The following KIT variants were observed in gnomAD, a reference collection of about 807,000 sequenced individuals.
KIT encodes the protein KIT proto-oncogene, receptor tyrosine kinase.
In KIT, 16 loss-of-function variants were observed where a neutral mutation model predicts 105.7. The observed-to-expected ratio is 0.15, with a 90% confidence interval of 0.10 to 0.23. The LOEUF (loss-of-function observed/expected upper bound fraction) is 0.23. Ranked by LOEUF, KIT falls within the 10% of genes least tolerant of loss-of-function variation. The pLI is 1.00. For synonymous variants in KIT, 438 were observed against 441.1 expected, an observed-to-expected ratio of 0.99 and a Z score of 0.09; for missense variants, 858 against 1,213.8, an observed-to-expected ratio of 0.71 and a Z score of 4.36.
intron 5 of KIT, among the ~76,000 whole-genome samples, chr4:54,705,804 C>T (rs1036009042): frequency 2.0e-5 from 3 of 152,106 alleles, no homozygotes; most frequent in African/African-American, 4.8e-5. Flanking sequence ...ATTGCTTGAG[C>T]CCAGGAAGTC....
rs1721774316 is a variant in KIT, at chr4:54,720,164, C to T, written c.1232-3420C>T. ...AAGGTACATTGCTGGGTTATACCCT[C>T]AGCTTACTAGATCTCTGGAGGTGCG... On this transcript the variant is annotated intron_variant, in intron 7 of 20. Transcript: ENST00000288135. 2.0e-5 allele frequency among the ~76,000 whole-genome samples: 3 copies of T among 152,192 alleles called. 1 individual carries two copies. In the South Asian group the frequency reaches 6.2e-4, roughly 32 times the overall value.
At chr4:54,702,373 G>A (rs56295037) in intron 4 of KIT, among the ~76,000 whole-genome samples, 1 of 151,648 alleles carries the variant, frequency 6.6e-6, no homozygotes, top group East Asian at 1.9e-4. Context: ...TTACTAATTA[G>A]GTGTTTTACA....
intron 7 of KIT, among the ~76,000 whole-genome samples, chr4:54,710,132 C>G (rs1029519593): frequency 6.6e-6 from 1 of 152,154 alleles, no homozygotes; most frequent in Non-Finnish European, 1.5e-5. Context: ...GGGGTCCTAC[C>G]GACCCCACTC....
chr4:54,689,626 T>C (rs1447653164), intron 1 of KIT, among the ~76,000 whole-genome samples: 2 of 152,150 alleles, frequency 1.3e-5, no homozygotes, highest in East Asian at 1.9e-4. Flanking sequence ...TGTGATCAGA[T>C]AAAAAAGTGT....
intron 7 of KIT, among the ~76,000 whole-genome samples, chr4:54,713,534 TGATAAAAATCAGAATA>T (rs1392064337): frequency 6.6e-6 from 1 of 152,208 alleles, no homozygotes; most frequent in African/African-American, 2.4e-5. Context: ...AAATCAGAAT[TGATAAAAATCAGAATA>T]ATGAATGCAT....
At position 54,730,905 on chromosome 4, in the gene KIT, C is replaced by T. The variant is rs915149058; in HGVS notation, c.2142-423C>T. 3.7e-4 allele frequency among the ~76,000 whole-genome samples: 57 copies of T among 152,080 alleles called. 1 individual carries two copies. On this transcript the variant is annotated intron_variant, in intron 14 of 20. Transcript: ENST00000288135. ...TTTTTAAACCTTCCTCCATCAGTCA[C>T]TATATGTTAACGATCTCTGCCTCCT...
Position 54,729,455 on chromosome 4 carries a change from A to G in KIT, c.2111A>G (p.Lys704Arg), listed in dbSNP as rs1553892256. Residue 704 changes from lysine (K) to arginine (R), a missense_variant, in exon 14 of 21, where the codon AAG (lysine) becomes AGG (arginine). Coordinates refer to ENST00000288135, the MANE Select transcript of KIT (RefSeq NM_000222.3). ...GATCATGCAGAAGCTGCACTTTATA[A>G]GAATCTTCTGCATTCAAAGGAGTCT... is the stretch of plus-strand genomic sequence containing the variant. ...QEDHAEAALYKNLLHSKESSC... is the reference protein window; with the variant it reads ...QEDHAEAALYRNLLHSKESSC... 6.2e-7 allele frequency: 1 copy of G among 1,613,674 alleles called. No homozygotes were observed. Among genetic ancestry groups the G allele is most frequent in the Non-Finnish European group, 8.5e-7 (1 of 1,179,762 alleles).
intron 1 of KIT, among the ~76,000 whole-genome samples, chr4:54,691,760 C>T (rs974147862): frequency 6.6e-6 from 1 of 151,836 alleles, no homozygotes; most frequent in Admixed American, 6.6e-5. Flanking sequence ...TGGGTGGCGG[C>T]TGGCGGGGAG....
At chr4:54,689,792 A>C (rs1345869108) in intron 1 of KIT, among the ~76,000 whole-genome samples, 1 of 152,226 alleles carries the variant, frequency 6.6e-6, no homozygotes, top group African/African-American at 2.4e-5. Context: ...ATGTTGTGTA[A>C]CCATCACTAC....
chr4:54,688,271 A>G (rs1479792998), intron 1 of KIT, among the ~76,000 whole-genome samples: 1 of 152,226 alleles, frequency 6.6e-6, no homozygotes, highest in Non-Finnish European at 1.5e-5. Flanking sequence ...CTATGGGGAT[A>G]TAAAAGTGTG....
At chr4:54,667,086 C>T (rs757941792) in intron 1 of KIT, among the ~76,000 whole-genome samples, 6 of 152,214 alleles carry the variant, frequency 3.9e-5, no homozygotes, top group Admixed American at 1.3e-4. Flanking sequence ...TGTGCTATAA[C>T]GCAGCATGTA....
rs377590954 is a variant in KIT, at chr4:54,707,116, T to A, written c.944T>A (p.Ile315Asn). 17 of 1,541,486 alleles carry A rather than the reference T, an allele frequency of 1.1e-5. No homozygotes were observed. Among genetic ancestry groups the A allele is most frequent in the African/African-American group, 2.7e-5 (2 of 73,418 alleles). ...LEVVDKGFIN[I>N]FPMINTTVFV... ...TAATTAGATAAAGGATTCATTAATA[T>A]CTTCCCCATGATAAACACTACAGTA... The change falls in exon 6 of 21, where the codon ATC (isoleucine) becomes AAC (asparagine). Residue 315 changes from isoleucine to asparagine, a missense_variant. Around this residue, in one of 7 missense-constraint regions of KIT, gnomAD observed 401 missense variants for 601.0 expected, o/e 0.67. Coordinates refer to ENST00000288135, the MANE Select transcript of KIT (RefSeq NM_000222.3).
At chr4:54,709,850 G>A (rs973854961) in intron 7 of KIT, among the ~76,000 whole-genome samples, 6 of 152,192 alleles carry the variant, frequency 3.9e-5, no homozygotes, top group Non-Finnish European at 5.9e-5. Context: ...TTGATTGTTG[G>A]AATGGGGGGC....
intron 7 of KIT, among the ~76,000 whole-genome samples, chr4:54,720,908 C>A (rs1721828514): frequency 6.6e-6 from 1 of 152,194 alleles, no homozygotes; most frequent in Admixed American, 6.5e-5. Flanking sequence ...GATTTCTTAT[C>A]TCATGGCCCT....
intron 1 of KIT, among the ~76,000 whole-genome samples, chr4:54,676,613 G>A (rs1431196361): frequency 6.6e-6 from 1 of 151,954 alleles, no homozygotes; most frequent in Non-Finnish European, 1.5e-5. Flanking sequence ...GGGGAAGAGT[G>A]GTATTTTCAG....
intron 1 of KIT, among the ~76,000 whole-genome samples, chr4:54,690,226 G>C (rs1679398853): frequency 6.6e-6 from 1 of 152,148 alleles, no homozygotes; most frequent in African/African-American, 2.4e-5. Context: ...GTATGGGTTT[G>C]AGTTTCTGCT....
rs1721001972 is a variant in KIT at position 54,709,487 on chromosome 4, A to G, written c.1179A>G (p.Leu393=). 1 of 1,613,690 alleles carries G rather than the reference A, an allele frequency of 6.2e-7. No individual in the cohort carries two copies. Among genetic ancestry groups the G allele is most frequent in the East Asian group, 2.2e-5 (1 of 44,884 alleles). The change falls in exon 7 of 21, where the codon CTA becomes CTG. Residue 393 remains leucine, a synonymous_variant. Coordinates refer to ENST00000288135, the MANE Select transcript of KIT (RefSeq NM_000222.3). ...CCGAAGGAGGCACTTACACATTCCTAGTGTCCAATTCTGACGTCAATGCTG... is the reference window on the plus strand; with the variant it reads ...CCGAAGGAGGCACTTACACATTCCTGGTGTCCAATTCTGACGTCAATGCTG... ...KGTEGGTYTF[L]VSNSDVNAAI... is the part of the protein sequence containing the mutation.
rs1284656829 is a variant in KIT at position 54,738,969 on chromosome 4, T to C, written c.*412T>C. ...AGTATGATGATACAAGATTAGAAGC[T>C]GAAAACCTAAGTCCTTTATGTGGAA... is the stretch of plus-strand genomic sequence containing the variant. On this transcript the variant is annotated 3_prime_UTR_variant, in exon 21 of 21. Transcript: ENST00000288135. 3 of 511,038 alleles carry C rather than the reference T, an allele frequency of 5.9e-6. No homozygotes were observed. Among genetic ancestry groups the C allele is most frequent in the African/African-American group, 5.7e-5 (3 of 52,346 alleles). 31.7% of individuals were successfully genotyped at this position (511,038 alleles called of 1,614,324 possible). A position where few individuals can be genotyped will look rare whatever the true frequency, so the allele number is the denominator to read the frequency against.
chr4:54,739,792 A>G lies in KIT; in HGVS notation c.*1235A>G, dbSNP rs1030569378. 8 of 233,434 alleles carry G rather than the reference A, an allele frequency of 3.4e-5. No individual in the cohort carries two copies. The highest frequency in any genetic ancestry group is 6.8e-5 in the Non-Finnish European group (8 of 117,968). 14.5% of individuals were successfully genotyped at this position (233,434 alleles called of 1,614,324 possible). On this transcript the variant is annotated 3_prime_UTR_variant, in exon 21 of 21. Transcript: ENST00000288135. Reference sequence around the variant, plus strand: ...TAGTACTGCTCTTGTTTCTTTTCACATAGCTGTCTAGAGTAGCTTACCAGA... The same window carrying G: ...TAGTACTGCTCTTGTTTCTTTTCACGTAGCTGTCTAGAGTAGCTTACCAGA...
Sources: allele counts gnomAD v4.1 joint callset (sites outside exome capture counted in the v4.1 genomes callset), GRCh38; gene constraint gnomAD v4.1.1; regional missense constraint gnomAD v4.1.1; transcripts MANE v1.5; gene names NCBI Gene and HGNC (gene_info 2026-07-23, HGNC 2026-07-21).